DAB2IP: variants seen among roughly 807,000 people sequenced by gnomAD.
DAB2IP encodes the protein disabled homolog 2-interacting protein.
A neutral mutation model predicts 107.2 loss-of-function variants in DAB2IP; 28 were observed. That is an observed-to-expected ratio of 0.26 (90% confidence interval 0.19 to 0.36). The LOEUF (loss-of-function observed/expected upper bound fraction) is 0.36. Ranked by LOEUF, DAB2IP falls within the 10% of genes least tolerant of loss-of-function variation. DAB2IP has a pLI of 1.00. For missense variants in DAB2IP, 1,400 were observed against 1,644.7 expected, an observed-to-expected ratio of 0.85 and a Z score of 2.57; for synonymous variants, 755 against 706.4, an observed-to-expected ratio of 1.07 and a Z score of -1.09.
At chr9:121,734,293 C>T (rs1296809679) in intron 3 of DAB2IP, among the ~76,000 whole-genome samples, 1 of 142,876 alleles carries the variant, frequency 7.0e-6, no homozygotes, top group Non-Finnish European at 1.5e-5. Context: ...AGGAGAATGG[C>T]GTGAACCCAG....
At chr9:121,678,916 A>G in intron 2 of DAB2IP, 135 bp downstream of exon 2, 2 of 824,838 alleles carry the variant, frequency 2.4e-6, no homozygotes, top group Non-Finnish European at 3.5e-6. Flanking sequence ...CCCTTGCTCT[A>G]GGTATCCGAT....
intron 1 of DAB2IP, among the ~76,000 whole-genome samples, chr9:121,568,699 G>A (rs761705705): frequency 3.0e-4 from 46 of 152,302 alleles, no homozygotes; most frequent in Non-Finnish European, 6.0e-4. Flanking sequence ...ATTGGGATGC[G>A]TATGGACTCA....
At chr9:121,609,674 T>C (rs895494566) in intron 1 of DAB2IP, among the ~76,000 whole-genome samples, 4 of 152,268 alleles carry the variant, frequency 2.6e-5, no homozygotes, top group Non-Finnish European at 4.4e-5. Context: ...GGAAATCTTC[T>C]GGTGCGATCT....
intron 1 of DAB2IP, among the ~76,000 whole-genome samples, chr9:121,573,137 C>A (rs10985322): frequency 0.023 from 3,519 of 152,184 alleles, 48 homozygotes; most frequent in East Asian, 0.041. Context: ...AGTGCAATGG[C>A]GCAATCTCGG....
At chr9:121,739,354 A>G (rs1200126189) in intron 3 of DAB2IP, among the ~76,000 whole-genome samples, 1 of 152,340 alleles carries the variant, frequency 6.6e-6, no homozygotes, top group Non-Finnish European at 1.5e-5. Flanking sequence ...TAGGTAGGTC[A>G]TGACTGCCAA....
chr9:121,737,576 G>A (rs1303534778), intron 3 of DAB2IP: 6 of 985,302 alleles, frequency 6.1e-6, no homozygotes, highest in African/African-American at 1.7e-5. Flanking sequence ...TGACAACTTC[G>A]GCAAGATCCT....
At chr9:121,626,039 G>T (rs1300792217) in intron 1 of DAB2IP, among the ~76,000 whole-genome samples, 1 of 152,174 alleles carries the variant, frequency 6.6e-6, no homozygotes, top group Non-Finnish European at 1.5e-5. Context: ...TGGGGCACAC[G>T]TGGGGTATGG....
exon 1 of DAB2IP, chr9:121,567,165 C>T (rs1385451529): frequency 1.9e-6 from 3 of 1,613,888 alleles, no homozygotes; most frequent in Non-Finnish European, 1.7e-6. Flanking sequence ...TCAGGTGGGG[C>T]CAGGGGCTGG....
chr9:121,776,233 C>A lies in DAB2IP; in HGVS notation c.3156C>A (p.Ser1052=), dbSNP rs919705647. The A allele has an allele frequency of 6.3e-7, 1 of 1,584,316 alleles. No homozygotes were observed. The highest frequency in any genetic ancestry group is 8.6e-7 in the Non-Finnish European group (1 of 1,165,676). ...TGCTGCAGGACAAGCTGCGAATCTC[C>A]ACCAAGAAGCTGGAGGAGTATGAGA... The change falls in exon 14 of 16, where the codon TCC becomes TCA. Residue 1052 remains serine, a synonymous_variant. Transcript: ENST00000408936. The surrounding 1 kb of genome is among the most constrained non-coding windows in gnomAD (Gnocchi z 5.4).
rs1829764212 is a variant in DAB2IP at position 121,701,194 on chromosome 9, C to T, written c.362+1736C>T. On this transcript the variant is annotated intron_variant, in intron 3 of 15. Coordinates refer to ENST00000408936, the Ensembl canonical transcript of DAB2IP. This position sits in a 1 kb window ranked among gnomAD's most constrained non-coding sequence, Gnocchi z 4.7. ...CAGGCAGTCCGGCTTCTGAGTGTGT[C>T]TGCTCTCCCGGGAGCAGGCGGCATG... 6.6e-6 allele frequency among the ~76,000 whole-genome samples: 1 copy of T among 152,196 alleles called. No homozygotes were observed. Among genetic ancestry groups the T allele is most frequent in the Non-Finnish European group, 1.5e-5 (1 of 68,030 alleles).
At chr9:121,774,128 C>CA (rs1835003836) in intron 12 of DAB2IP, 132 bp from the exon 13 acceptor site, 1 of 1,040,364 alleles carries the variant, frequency 9.6e-7, no homozygotes, top group East Asian at 3.1e-5. Flanking sequence ...GGTAGGCGCT[C>CA]AGTCAGCTGG....
intron 3 of DAB2IP, among the ~76,000 whole-genome samples, chr9:121,714,392 G>A (rs1015932825): frequency 6.6e-6 from 1 of 152,254 alleles, no homozygotes; most frequent in Admixed American, 6.5e-5. Flanking sequence ...CGGAAACTCT[G>A]AGAAGGTGTT....
intron 1 of DAB2IP, among the ~76,000 whole-genome samples, chr9:121,587,781 C>A (rs1830339689): frequency 6.6e-6 from 1 of 151,676 alleles, no homozygotes; most frequent in South Asian, 2.1e-4. Flanking sequence ...TGTGGGAGAC[C>A]CACTGGTAGA....
intron 1 of DAB2IP, among the ~76,000 whole-genome samples, chr9:121,628,723 CCTT>C (rs2119011750): frequency 6.6e-6 from 1 of 152,264 alleles, no homozygotes; most frequent in African/African-American, 2.4e-5. Flanking sequence ...GCCTGGCAAA[CCTT>C]CTTTAGAGAG....
At chr9:121,764,749 TC>T (rs1291951715) in intron 8 of DAB2IP, among the ~76,000 whole-genome samples, 3 of 152,204 alleles carry the variant, frequency 2.0e-5, no homozygotes, top group Non-Finnish European at 4.4e-5. Flanking sequence ...CTTACCTCAC[TC>T]CTTGTTAGGT....
chr9:121,761,582 C>A (rs755975235), intron 6 of DAB2IP, among the ~76,000 whole-genome samples: 3 of 152,224 alleles, frequency 2.0e-5, no homozygotes, highest in Non-Finnish European at 4.4e-5. Context: ...CTGCAGCCCC[C>A]CTCCCTCTTG....
At chr9:121,596,373 A>G (rs1346075087) in intron 1 of DAB2IP, among the ~76,000 whole-genome samples, 1 of 152,070 alleles carries the variant, frequency 6.6e-6, no homozygotes, top group East Asian at 1.9e-4. Context: ...AACTAGCTGC[A>G]TGTGGTGCCA....
intron 1 of DAB2IP, among the ~76,000 whole-genome samples, chr9:121,571,894 A>G (rs563076283): frequency 3.8e-4 from 58 of 152,142 alleles, no homozygotes; most frequent in African/African-American, 1.3e-3. Context: ...CAGGAAGGTG[A>G]GGAGAAGGGG....
At chr9:121,778,037 C>A (rs184899958) in intron 14 of DAB2IP, among the ~76,000 whole-genome samples, 1 of 152,226 alleles carries the variant, frequency 6.6e-6, no homozygotes, top group East Asian at 1.9e-4. Flanking sequence ...TAACAAGGTA[C>A]CTTAGACTGG....
Sources: allele counts gnomAD v4.1 joint callset (sites outside exome capture counted in the v4.1 genomes callset), GRCh38; gene constraint gnomAD v4.1.1; non-coding constraint Gnocchi (gnomAD v3.1); transcripts MANE v1.5; gene names NCBI Gene and HGNC (gene_info 2026-07-23, HGNC 2026-07-21).